NGB: variants seen among roughly 807,000 people sequenced by gnomAD.
NGB encodes the protein nitrite reductase.
In NGB, 12 loss-of-function variants were observed where a neutral mutation model predicts 17.3. That is an observed-to-expected ratio of 0.69 (90% confidence interval 0.45 to 1.13). NGB has a LOEUF of 1.13. Ranked by LOEUF, NGB falls within the 50% of genes most tolerant of loss-of-function variation. The pLI is 0.00. For synonymous variants in NGB, 87 were observed against 81.0 expected, an observed-to-expected ratio of 1.07 and a Z score of -0.40; for missense variants, 195 against 191.7, an observed-to-expected ratio of 1.02 and a Z score of -0.10.
Position 77,266,344 on chromosome 14 carries a change from T to A in NGB, c.*192A>T. ...GATGAGGGGACACCCAGAAGCCCCT[T>A]CCTGGAGGAAAAGCCACTCCTTCTG... On this transcript the variant is annotated 3_prime_UTR_variant, in exon 4 of 4. Transcript: ENST00000298352. 2.4e-6 allele frequency: 2 copies of A among 835,464 alleles called. No individual in the cohort carries two copies. The highest frequency in any genetic ancestry group is 3.4e-5 in the Admixed American group (2 of 58,820). The allele number at this position is 835,464 out of a possible 1,614,324, so 51.8% of individuals were successfully genotyped here. A position where few individuals can be genotyped will look rare whatever the true frequency, so the allele number is the denominator to read the frequency against.
intron 3 of NGB, among the ~76,000 whole-genome samples, chr14:77,267,347 C>A (rs1000009936): frequency 6.6e-6 from 1 of 152,084 alleles, no homozygotes; most frequent in Admixed American, 6.5e-5. Flanking sequence ...TTGAGACCAG[C>A]CTGGTAAACA....
At position 77,266,511 on chromosome 14, in the gene NGB, G is replaced by A; in HGVS notation, c.*25C>T. 6.2e-7 allele frequency: 1 copy of A among 1,603,738 alleles called. No individual in the cohort carries two copies. The highest frequency in any genetic ancestry group is 8.5e-7 in the Non-Finnish European group (1 of 1,174,480). ...GGCCAACAGACAGACACAGATGGAT[G>A]GGGGCTGCCGGGCGGGGTCGCCTCT... is the stretch of plus-strand genomic sequence containing the variant. On this transcript the variant is annotated 3_prime_UTR_variant, in exon 4 of 4. Transcript: ENST00000298352.
intron 3 of NGB, 144 bp downstream of exon 3, chr14:77,268,322 C>T (rs1889700988): frequency 2.5e-6 from 2 of 790,230 alleles, no homozygotes; most frequent in Non-Finnish European, 3.9e-6. Flanking sequence ...CAGGGCCACA[C>T]AGCAGGTAAC....
At position 77,266,133 on chromosome 14, in the gene NGB, G is replaced by A. The variant is rs994077256; in HGVS notation, c.*403C>T. ...GCAGGCAGGACAGAAGGCGCTGGAAGCTCAGCCATCTCACCCCCGCCTTGG... is the reference window on the plus strand; with the variant it reads ...GCAGGCAGGACAGAAGGCGCTGGAAACTCAGCCATCTCACCCCCGCCTTGG... On this transcript the variant is annotated 3_prime_UTR_variant, in exon 4 of 4. Coordinates refer to ENST00000298352, the MANE Select transcript of NGB (RefSeq NM_021257.4). 5.9e-6 allele frequency: 3 copies of A among 506,560 alleles called. No individual in the cohort carries two copies. Among genetic ancestry groups the A allele is most frequent in the African/African-American group, 5.9e-5 (3 of 51,238 alleles). 31.4% of individuals were successfully genotyped at this position (506,560 alleles called of 1,614,324 possible).
At chr14:77,268,794 G>T (rs1889710012) in intron 2 of NGB, among the ~76,000 whole-genome samples, 1 of 152,200 alleles carries the variant, frequency 6.6e-6, no homozygotes, top group Admixed American at 6.5e-5. Context: ...TACCCATGAA[G>T]GAAGCCTCTC....
chr14:77,266,867 G>T (rs888558442), intron 3 of NGB, among the ~76,000 whole-genome samples, 197 bp from the exon 4 acceptor site: 2 of 152,156 alleles, frequency 1.3e-5, no homozygotes, highest in African/African-American at 2.4e-5. Flanking sequence ...CCCTCTAAAT[G>T]TGAGGCTTTA....
At position 77,269,417 on chromosome 14, in the gene NGB, T is replaced by C. The variant is rs983801802; in HGVS notation, c.90-91A>G. 4.8e-6 allele frequency: 4 copies of C among 841,924 alleles called. No individual in the cohort carries two copies. The African/African-American group carries it at 6.8e-5, about 14-fold the overall frequency. 52.2% of individuals were successfully genotyped at this position (841,924 alleles called of 1,614,324 possible). A position where few individuals can be genotyped will look rare whatever the true frequency, so the allele number is the denominator to read the frequency against. ...CTGTCCTGCAGTCAGCGGGCGGGGGTGCCAAGCCAGGTCTCAGCTGCAAAC... is the reference window on the plus strand; with the variant it reads ...CTGTCCTGCAGTCAGCGGGCGGGGGCGCCAAGCCAGGTCTCAGCTGCAAAC... On this transcript the variant is annotated intron_variant, in intron 1 of 3. Coordinates refer to ENST00000298352, the MANE Select transcript of NGB (RefSeq NM_021257.4).
At chr14:77,269,171 T>C in intron 2 of NGB, 44 bp downstream of exon 2, 1 of 1,242,350 alleles carries the variant, frequency 8.0e-7, no homozygotes, top group Non-Finnish European at 1.2e-6. Flanking sequence ...AGGGAGGTGC[T>C]CTGCTGGATC....
chr14:77,269,709 TC>T (rs1889732475), intron 1 of NGB, among the ~76,000 whole-genome samples: 1 of 1,470 alleles, frequency 6.8e-4, no homozygotes, highest in Non-Finnish European at 1.9e-3. Context: ...TCTCTCTCTC[TC>T]TCTCTCTCTC....
At chr14:77,269,603 T>G (rs1395828083) in intron 1 of NGB, among the ~76,000 whole-genome samples, 2 of 151,588 alleles carry the variant, frequency 1.3e-5, no homozygotes, top group African/African-American at 4.9e-5. Flanking sequence ...AGGGGTGTGA[T>G]TTGGGACAGG....
At chr14:77,268,438 T>C in intron 3 of NGB, 28 bp downstream of exon 3, 1 of 1,607,434 alleles carries the variant, frequency 6.2e-7, no homozygotes, top group Middle Eastern at 1.7e-4. Flanking sequence ...CCAGGAGCTC[T>C]GGAGAGAGTC....
At chr14:77,269,881 AGTGGGTAC>A (rs1889743032) in intron 1 of NGB, among the ~76,000 whole-genome samples, 1 of 138,342 alleles carries the variant, frequency 7.2e-6, no homozygotes, top group African/African-American at 2.7e-5. Context: ...TGTCCTAAGC[AGTGGGTAC>A]AACTGTTATC....
chr14:77,268,472 G>A lies in NGB; in HGVS notation c.315C>T (p.Ser105=). Residue 105 remains serine (S), a synonymous_variant, in exon 3 of 4, where the codon TCC becomes TCT. Transcript: ENST00000298352. ...KHRAVGVKLS[S]FSTVGESLLY... is the part of the protein sequence containing the mutation. ...TCAGAGCTCCTTTACCCACCGAGAA[G>A]GAGCTGAGCTTCACACCCACTGCCC... 1 of 1,612,520 alleles carries A rather than the reference G, an allele frequency of 6.2e-7. No homozygotes were observed. The highest frequency in any genetic ancestry group is 1.1e-5 in the South Asian group (1 of 91,058).
At position 77,269,333 on chromosome 14, in the gene NGB, G is replaced by A. The variant is rs1889718904; in HGVS notation, c.90-7C>T. On this transcript the variant is annotated splice_region_variant and splice_polypyrimidine_tract_variant and intron_variant, in intron 1 of 3. Transcript: ENST00000298352. The stretch of plus-strand genomic sequence containing the variant: ...AGGCTCCAGGGCAAACAGCCTGTGG[G>A]AGTGAGGCCCAGGTGTTAGCCCTGG... 5 of 1,538,876 alleles carry A rather than the reference G, an allele frequency of 3.2e-6. No individual in the cohort carries two copies. Among genetic ancestry groups the A allele is most frequent in the Non-Finnish European group, 2.6e-6 (3 of 1,135,608 alleles).
chr14:77,270,820 G>A, intron 1 of NGB, 29 bp downstream of exon 1: 1 of 1,530,936 alleles, frequency 6.5e-7, no homozygotes, highest in South Asian at 1.2e-5. Context: ...GCCTCCACCC[G>A]CATCCCCGGG....
In NGB at chr14:77,266,575, G is replaced by A. The variant is rs775492814; in HGVS notation, c.417C>T (p.Ala139=). The A allele has an allele frequency of 6.8e-6, 11 of 1,614,128 alleles. No individual in the cohort carries two copies. The highest frequency in any genetic ancestry group is 2.2e-5 in the South Asian group (2 of 91,074). ...TRAAWSQLYG[A]VVQAMSRGWD... The stretch of plus-strand genomic sequence containing the variant: ...AGCCTCGACTCATGGCCTGCACTAC[G>A]GCCCCGTAGAGTTGGCTCCAGGCAG... Residue 139 remains alanine (A), a synonymous_variant, in exon 4 of 4, where the codon GCC becomes GCT. Transcript: ENST00000298352.
At chr14:77,269,371 T>TGCAAGCCCCA (rs1159787192) in intron 1 of NGB, 45 bp from the exon 2 acceptor site, 4 of 1,349,960 alleles carry the variant, frequency 3.0e-6, no homozygotes, top group Non-Finnish European at 4.1e-6. Flanking sequence ...TGTGAGCTCC[T>TGCAAGCCCCA]GCAAGCCCCA....
intron 3 of NGB, among the ~76,000 whole-genome samples, chr14:77,267,956 C>T (rs1419920652): frequency 6.6e-6 from 1 of 152,210 alleles, no homozygotes; most frequent in Admixed American, 6.5e-5. Context: ...AAAAACTCCC[C>T]CTTGGAACTC....
intron 1 of NGB, 23 bp downstream of exon 1, chr14:77,270,826 C>G: frequency 6.5e-7 from 1 of 1,549,534 alleles, no homozygotes; most frequent in Non-Finnish European, 8.7e-7. Flanking sequence ...ACCCGCATCC[C>G]CGGGCGCTCG....
Sources: allele counts gnomAD v4.1 joint callset (sites outside exome capture counted in the v4.1 genomes callset), GRCh38; gene constraint gnomAD v4.1.1; transcripts MANE v1.5; gene names NCBI Gene and HGNC (gene_info 2026-07-23, HGNC 2026-07-21).